CMYA5: variants seen among roughly 807,000 people sequenced by gnomAD.
CMYA5 encodes the protein cardiomyopathy associated 5.
Under a neutral mutation model 318.9 loss-of-function variants are expected in CMYA5, and 246 were observed. The observed-to-expected ratio is 0.77, with a 90% confidence interval of 0.70 to 0.86. The LOEUF (loss-of-function observed/expected upper bound fraction) is 0.86, where lower values mean the gene tolerates loss of function less well. Ranked by LOEUF, CMYA5 falls within the 40% of genes least tolerant of loss-of-function variation. The pLI, the probability that CMYA5 is intolerant of heterozygous loss-of-function variation, is 0.00. For synonymous variants in CMYA5, 1,641 were observed against 1,729.5 expected, an observed-to-expected ratio of 0.95 and a Z score of 1.27; for missense variants, 4,589 against 4,678.2, an observed-to-expected ratio of 0.98 and a Z score of 0.56.
chr5:79,696,982 G>A (rs1488143633), intron 1 of CMYA5, among the ~76,000 whole-genome samples: 1 of 151,678 alleles, frequency 6.6e-6, no homozygotes, highest in Non-Finnish European at 1.5e-5. Context: ...ACTCCAGCCT[G>A]GGCAAAAAGG....
intron 9 of CMYA5, among the ~76,000 whole-genome samples, chr5:79,767,311 G>A (rs1828773508): frequency 6.6e-6 from 1 of 152,060 alleles, no homozygotes; most frequent in Admixed American, 6.5e-5. Context: ...CTTCAGTTCT[G>A]CTCTGATCTT....
chr5:79,757,866 A>T (rs1294295333), intron 6 of CMYA5, among the ~76,000 whole-genome samples: 1 of 152,202 alleles, frequency 6.6e-6, no homozygotes, highest in Non-Finnish European at 1.5e-5. Flanking sequence ...TTCTGTGTGT[A>T]TTATATATGT....
At chr5:79,720,192 A>G (rs574267737) in intron 1 of CMYA5, among the ~76,000 whole-genome samples, 4 of 152,268 alleles carry the variant, frequency 2.6e-5, no homozygotes, top group South Asian at 4.1e-4. Context: ...TCCAGAAACC[A>G]TGCAAACTCC....
chr5:79,718,709 T>C (rs913387425), intron 1 of CMYA5, among the ~76,000 whole-genome samples: 6 of 152,324 alleles, frequency 3.9e-5, no homozygotes, highest in African/African-American at 1.4e-4. Flanking sequence ...AGTATAATAA[T>C]ATAATCATGC....
chr5:79,703,420 C>T (rs1561627831), intron 1 of CMYA5, among the ~76,000 whole-genome samples: 2 of 152,188 alleles, frequency 1.3e-5, no homozygotes, highest in African/African-American at 2.4e-5. Flanking sequence ...TCACTCTGGC[C>T]TCAATATGAC....
In CMYA5 at chr5:79,735,043, C is replaced by T. The variant is rs1230023751; in HGVS notation, c.6278C>T (p.Thr2093Ile). Residue 2093 changes from threonine to isoleucine, a missense_variant, in exon 2 of 13, where the codon ACA becomes ATA. Around this residue, in one of 3 missense-constraint regions of CMYA5, gnomAD observed 2,431 missense variants for 2,495.1 expected, o/e 0.97. Coordinates refer to ENST00000446378, the MANE Select transcript of CMYA5 (RefSeq NM_153610.5). ...LGNEKEAHRS[T>I]PPFPEEKPLE... ...AATGAAAAAGAAGCACACAGGAGCACACCTCCTTTTCCTGAAGAGAAGCCA... is the reference window on the plus strand; with the variant it reads ...AATGAAAAAGAAGCACACAGGAGCATACCTCCTTTTCCTGAAGAGAAGCCA... 1 of 1,613,848 alleles carries T rather than the reference C, an allele frequency of 6.2e-7. No individual in the cohort carries two copies. The highest frequency in any genetic ancestry group is 1.1e-5 in the South Asian group (1 of 91,082).
chr5:79,776,446 G>A (rs1828939776), intron 9 of CMYA5, among the ~76,000 whole-genome samples: 1 of 151,972 alleles, frequency 6.6e-6, no homozygotes, highest in South Asian at 2.1e-4. Context: ...CTATTCAGTT[G>A]GTTTTTTATA....
At position 79,736,375 on chromosome 5, in the gene CMYA5, A is replaced by G; in HGVS notation, c.7610A>G (p.Lys2537Arg). The G allele has an allele frequency of 6.2e-7, 1 of 1,612,950 alleles. No homozygotes were observed. The change falls in exon 2 of 13, where the codon AAA becomes AGA. Residue 2537 changes from lysine to arginine, a missense_variant. By Grantham distance (26) the Lys-to-Arg change is conservative. This residue lies in a region of CMYA5 where 2,431 missense variants were observed against 2,495.1 expected (regional missense o/e 0.97). Coordinates refer to ENST00000446378, the MANE Select transcript of CMYA5 (RefSeq NM_153610.5). ...ATCATTGTTGGTTCTGAAAAGGAGA[A>G]AGGTGAAGAAAAAGAAAATCAGGTA... ...PKIIVGSEKEKGEEKENQVYV... is the reference protein window; with the variant it reads ...PKIIVGSEKERGEEKENQVYV...
chr5:79,748,567 G>A (rs548105957), intron 5 of CMYA5, among the ~76,000 whole-genome samples: 2 of 150,778 alleles, frequency 1.3e-5, no homozygotes, highest in East Asian at 3.9e-4. Context: ...TTTTGAGCCA[G>A]GGTCTCACTC....
Position 79,733,766 on chromosome 5 carries a change from T to C in CMYA5, c.5001T>C (p.Ser1667=). 1 of 1,613,424 alleles carries C rather than the reference T, an allele frequency of 6.2e-7. No homozygotes were observed. Among genetic ancestry groups the C allele is most frequent in the Non-Finnish European group, 8.5e-7 (1 of 1,179,746 alleles). Residue 1667 remains serine, a synonymous_variant, in exon 2 of 13, where the codon TCT becomes TCC. Coordinates refer to ENST00000446378, the MANE Select transcript of CMYA5 (RefSeq NM_153610.5). ...AKSPITETED[S]VLEKGPAELR... is the part of the protein sequence containing the mutation. ...CTCCCATAACTGAAACAGAGGATTC[T>C]GTTTTAGAAAAAGGCCCAGCTGAGC...
At chr5:79,770,926 G>A (rs950320444) in intron 9 of CMYA5, among the ~76,000 whole-genome samples, 2 of 152,036 alleles carry the variant, frequency 1.3e-5, no homozygotes, top group African/African-American at 4.8e-5. Context: ...GTTTTGGTGG[G>A]ATGTAGGCAT....
chr5:79,699,180 AAAAG>A (rs957038575), intron 1 of CMYA5, among the ~76,000 whole-genome samples: 5 of 152,284 alleles, frequency 3.3e-5, no homozygotes, highest in Admixed American at 2.6e-4. Flanking sequence ...CAACAACAAA[AAAAG>A]AAAAGAAAAA....
chr5:79,738,663 G>A lies in CMYA5; in HGVS notation c.9898G>A (p.Gly3300Ser). 6.2e-7 allele frequency: 1 copy of A among 1,613,916 alleles called. No individual in the cohort carries two copies. Among genetic ancestry groups the A allele is most frequent in the Non-Finnish European group, 8.5e-7 (1 of 1,179,862 alleles). Reference sequence around the variant, plus strand: ...GGAGAAGAGTCTGGAAGAACAGAAAGGTGTTTATGGGGAAGGAGAATCAGT... The same window carrying A: ...GGAGAAGAGTCTGGAAGAACAGAAAAGTGTTTATGGGGAAGGAGAATCAGT... ...CREKSLEEQKGVYGEGESVDH... is the reference protein window; with the variant it reads ...CREKSLEEQKSVYGEGESVDH... The change falls in exon 2 of 13, where the codon GGT becomes AGT. Residue 3300 changes from glycine to serine, a missense_variant. By Grantham distance (56) the Gly-to-Ser change is moderately conservative. This residue lies in a region of CMYA5 where 2,431 missense variants were observed against 2,495.1 expected (regional missense o/e 0.97). Coordinates refer to ENST00000446378, the MANE Select transcript of CMYA5 (RefSeq NM_153610.5).
chr5:79,799,434 G>A lies in CMYA5; in HGVS notation c.12028G>A (p.Gly4010Ser). 1.2e-6 allele frequency: 2 copies of A among 1,613,764 alleles called. No individual in the cohort carries two copies. The highest frequency in any genetic ancestry group is 1.1e-5 in the South Asian group (1 of 91,074). ...TGTGACTGAGCGTCCAGCCAGAGTG[G>A]GCATCCTGCTGGACTACAACAACCA... ...VHVTERPARV[G>S]ILLDYNNQRL... The change falls in exon 13 of 13, where the codon GGC (glycine) becomes AGC (serine). Residue 4010 changes from glycine to serine, a missense_variant. Around this residue, in one of 3 missense-constraint regions of CMYA5, gnomAD observed 2,431 missense variants for 2,495.1 expected, o/e 0.97. Transcript: ENST00000446378.
intron 1 of CMYA5, among the ~76,000 whole-genome samples, chr5:79,703,068 T>A (rs1014828137): frequency 3.3e-5 from 5 of 152,146 alleles, no homozygotes; most frequent in Admixed American, 6.6e-5. Context: ...GGAAGAGAGA[T>A]CATTTGCTCA....
chr5:79,690,018 C>A lies in CMYA5; in HGVS notation c.111C>A (p.Asp37Glu). The A allele has an allele frequency of 3.4e-6, 5 of 1,483,826 alleles. No homozygotes were observed. The South Asian group carries it at 3.9e-5, about 12-fold the overall frequency. 91.9% of individuals were successfully genotyped at this position (1,483,826 alleles called of 1,614,324 possible). A position where few individuals can be genotyped will look rare whatever the true frequency, so the allele number is the denominator to read the frequency against. Residue 37 changes from aspartate to glutamate, a missense_variant, in exon 1 of 13, where the codon GAC (aspartate) becomes GAA (glutamate). This residue lies in a region of CMYA5 where 2,132 missense variants were observed against 2,131.3 expected (regional missense o/e 1.00). Coordinates refer to ENST00000446378, the MANE Select transcript of CMYA5 (RefSeq NM_153610.5). ...AGGAGGAGTCGGAGGGCGAGGAGGACGAGACGGCGGCGGAGTCGGAGGAGG... is the reference window on the plus strand; with the variant it reads ...AGGAGGAGTCGGAGGGCGAGGAGGAAGAGACGGCGGCGGAGTCGGAGGAGG... The part of the protein sequence containing the change: ...ETEEESEGEE[D>E]ETAAESEEEP...
Position 79,739,011 on chromosome 5 carries a change from C to A in CMYA5, c.10246C>A (p.Pro3416Thr), listed in dbSNP as rs773952511. ...EPSEERLRNS[P>T]VQDEYEFTES... ...AAGTGAAGAGAGGCTCCGTAATAGC[C>A]CTGTTCAGGATGAGTATGAATTTAC... The change falls in exon 2 of 13, where the codon CCT (proline) becomes ACT (threonine). Residue 3416 changes from proline to threonine, a missense_variant. By Grantham distance (38) the Pro-to-Thr change is conservative (BLOSUM62 -1). Coordinates refer to ENST00000446378, the MANE Select transcript of CMYA5 (RefSeq NM_153610.5). The A allele has an allele frequency of 1.2e-6, 2 of 1,613,744 alleles. No homozygotes were observed. Among genetic ancestry groups the A allele is most frequent in the Middle Eastern group, 1.7e-4 (1 of 6,060 alleles).
At position 79,734,619 on chromosome 5, in the gene CMYA5, G is replaced by C; in HGVS notation, c.5854G>C (p.Glu1952Gln). The C allele has an allele frequency of 6.2e-7, 1 of 1,613,890 alleles. No individual in the cohort carries two copies. The highest frequency in any genetic ancestry group is 2.2e-5 in the East Asian group (1 of 44,882). Reference protein sequence around the residue: ...VRKQVLPHSAEESHLSSQEAV... With the variant: ...VRKQVLPHSAQESHLSSQEAV... ...AAAGCAGGTCCTGCCGCATTCTGCT[G>C]AAGAATCTCATTTGTCATCACAAGA... The change falls in exon 2 of 13, where the codon GAA (glutamate) becomes CAA (glutamine). Residue 1952 changes from glutamate to glutamine, a missense_variant. Around this residue, in one of 3 missense-constraint regions of CMYA5, gnomAD observed 2,431 missense variants for 2,495.1 expected, o/e 0.97. Transcript: ENST00000446378.
chr5:79,732,944 G>A lies in CMYA5; in HGVS notation c.4179G>A (p.Lys1393=). 1.2e-6 allele frequency: 2 copies of A among 1,613,684 alleles called. No homozygotes were observed. Among genetic ancestry groups the A allele is most frequent in the Non-Finnish European group, 1.7e-6 (2 of 1,179,772 alleles). The change falls in exon 2 of 13, where the codon AAG becomes AAA. Residue 1393 remains lysine, a synonymous_variant. Transcript: ENST00000446378. ...GTCCAGTCTTAACAAAAGTAGGAAAGGGTGAATTAGGAAGTGGTTTGCCAC... is the reference window on the plus strand; with the variant it reads ...GTCCAGTCTTAACAAAAGTAGGAAAAGGTGAATTAGGAAGTGGTTTGCCAC... ...VDRPVLTKVG[K]GELGSGLPPL...
Sources: allele counts gnomAD v4.1 joint callset (sites outside exome capture counted in the v4.1 genomes callset), GRCh38; gene constraint gnomAD v4.1.1; regional missense constraint gnomAD v4.1.1; transcripts MANE v1.5; gene names NCBI Gene and HGNC (gene_info 2026-07-23, HGNC 2026-07-21).